The following RPTOR variants were observed in gnomAD, a reference collection of about 807,000 sequenced individuals.
RPTOR encodes regulatory associated protein of MTOR complex 1.
In RPTOR, 21 loss-of-function variants were observed where a neutral mutation model predicts 169.9. That is an observed-to-expected ratio of 0.12 (90% CI 0.09 to 0.18). The LOEUF (loss-of-function observed/expected upper bound fraction) is 0.18. Ranked by LOEUF, RPTOR falls within the 10% of genes least tolerant of loss-of-function variation. RPTOR has a pLI of 1.00. For missense variants in RPTOR, 1,133 were observed against 1,855.9 expected (o/e 0.61, Z 7.16); for synonymous variants, 732 against 753.2 (o/e 0.97, Z 0.46).
At chr17:80,634,370 CTG>C (rs751388424) in intron 2 of RPTOR, among the ~76,000 whole-genome samples, 2,725 of 65,264 alleles carry the variant, frequency 0.042, 24 homozygotes, top group Middle Eastern at 0.048. Flanking sequence ...TGTGTGCATA[CTG>C]TGTGTGTGCA....
intron 5 of RPTOR, among the ~76,000 whole-genome samples, chr17:80,750,370 C>T (rs1292542618): frequency 6.6e-6 from 1 of 152,236 alleles, no homozygotes; most frequent in Admixed American, 6.5e-5. Flanking sequence ...CACAAGTCTG[C>T]CAGCAGTCCC....
intron 6 of RPTOR, among the ~76,000 whole-genome samples, chr17:80,778,420 T>C (rs2143444649): frequency 6.6e-6 from 1 of 152,360 alleles, no homozygotes; most frequent in South Asian, 2.1e-4. Context: ...CCCATCTCAT[T>C]TGAAAGCAGC....
At chr17:80,696,058 G>T (rs2066033752) in intron 3 of RPTOR, among the ~76,000 whole-genome samples, 1 of 152,212 alleles carries the variant, frequency 6.6e-6, no homozygotes, top group Admixed American at 6.5e-5. Flanking sequence ...CCTTGTTCTT[G>T]TGAGTCCCTG....
chr17:80,806,599 G>A (rs2143557930), intron 7 of RPTOR, among the ~76,000 whole-genome samples: 1 of 152,204 alleles, frequency 6.6e-6, no homozygotes, highest in Admixed American at 6.5e-5. Flanking sequence ...TATGTTAATT[G>A]GGGACCTAGA....
chr17:80,793,398 G>A (rs1224062711), intron 7 of RPTOR, among the ~76,000 whole-genome samples: 1 of 152,086 alleles, frequency 6.6e-6, no homozygotes, highest in African/African-American at 2.4e-5. Flanking sequence ...TCCTTGCTGG[G>A]TTGGCTTATT....
At chr17:80,735,563 G>C (rs945699163) in intron 5 of RPTOR, among the ~76,000 whole-genome samples, 1 of 152,214 alleles carries the variant, frequency 6.6e-6, no homozygotes, top group Non-Finnish European at 1.5e-5. Flanking sequence ...GTTTCTTCTA[G>C]AGGATATTTC....
chr17:80,876,927 C>T (rs1479131298), intron 13 of RPTOR, among the ~76,000 whole-genome samples: 1 of 85,906 alleles, frequency 1.2e-5, no homozygotes, highest in Non-Finnish European at 2.5e-5. Flanking sequence ...GCCGGGTCTT[C>T]CCACCGAGCC....
chr17:80,743,870 C>T lies in RPTOR; in HGVS notation c.655-10140C>T, dbSNP rs368162456. On this transcript the variant is annotated intron_variant, in intron 5 of 33. Transcript: ENST00000306801. ...TTACTAGCAGAGCCCTGGCTACTAG[C>T]ACAGCCCTGGCTACTAGCACTGTCC... Among the ~76,000 whole-genome samples, 206 of 113,570 alleles carry T rather than the reference C, an allele frequency of 1.8e-3. 26 individuals are homozygous for T. The highest frequency in any genetic ancestry group is 7.1e-3 in the African/African-American group (180 of 25,488). 74.5% of individuals were successfully genotyped at this position (113,570 alleles called of 152,430 possible). A position where few individuals can be genotyped will look rare whatever the true frequency, so the allele number is the denominator to read the frequency against.
At chr17:80,923,873 C>T in intron 23 of RPTOR, 200 bp downstream of exon 23, 1 of 596,728 alleles carries the variant, frequency 1.7e-6, no homozygotes, top group Non-Finnish European at 2.9e-6. Context: ...TGCCTGCACT[C>T]CTTAGGAGCA....
At chr17:80,552,885 T>C (rs2084362565) in intron 1 of RPTOR, among the ~76,000 whole-genome samples, 1 of 152,020 alleles carries the variant, frequency 6.6e-6, no homozygotes, top group South Asian at 2.1e-4. Flanking sequence ...GGTCAGGGGG[T>C]TGAAAATAGC....
chr17:80,555,365 G>T (rs2084395519), intron 1 of RPTOR, among the ~76,000 whole-genome samples: 1 of 152,188 alleles, frequency 6.6e-6, no homozygotes, highest in African/African-American at 2.4e-5. Context: ...CCCTCCATCA[G>T]GTCCTTCTAT....
chr17:80,775,050 G>A (rs1044314977), intron 6 of RPTOR, among the ~76,000 whole-genome samples: 1 of 152,170 alleles, frequency 6.6e-6, no homozygotes, highest in Non-Finnish European at 1.5e-5. Context: ...GCATCTTCAT[G>A]GTGTAAGTCT....
intron 13 of RPTOR, among the ~76,000 whole-genome samples, chr17:80,876,063 G>A (rs1326075077): frequency 9.6e-6 from 1 of 104,128 alleles, no homozygotes; most frequent in African/African-American, 4.3e-5. Flanking sequence ...TCTTCACACC[G>A]AGCCCGTGCC....
intron 9 of RPTOR, among the ~76,000 whole-genome samples, chr17:80,837,414 T>C (rs540938913): frequency 5.3e-5 from 8 of 152,256 alleles, no homozygotes; most frequent in Middle Eastern, 6.8e-3. Flanking sequence ...AGCTCAGCCC[T>C]GACCGCCAGG....
intron 3 of RPTOR, among the ~76,000 whole-genome samples, chr17:80,704,604 A>G (rs905329608): frequency 5.3e-5 from 8 of 152,248 alleles, no homozygotes; most frequent in African/African-American, 1.7e-4. Flanking sequence ...CTTCAACCTC[A>G]GGCAGGATTC....
At chr17:80,945,455 G>A in intron 25 of RPTOR, 1 of 383,626 alleles carries the variant, frequency 2.6e-6, no homozygotes, top group Non-Finnish European at 4.7e-6. Context: ...AGCTGGGCAT[G>A]GTGGCGGGCA....
intron 21 of RPTOR, among the ~76,000 whole-genome samples, chr17:80,915,851 C>T (rs184274086): frequency 6.6e-6 from 1 of 150,992 alleles, no homozygotes; most frequent in Admixed American, 6.6e-5. Flanking sequence ...CCAGGGTCTC[C>T]TCTCTGCTGA....
intron 20 of RPTOR, among the ~76,000 whole-genome samples, chr17:80,897,690 G>C (rs1167770001): frequency 2.0e-5 from 3 of 152,172 alleles, no homozygotes; most frequent in Non-Finnish European, 4.4e-5. Context: ...GACTTTTCTT[G>C]TCCTGACCTG....
At chr17:80,770,013 G>A (rs1469012277) in intron 6 of RPTOR, among the ~76,000 whole-genome samples, 1 of 152,198 alleles carries the variant, frequency 6.6e-6, no homozygotes, top group Non-Finnish European at 1.5e-5. Context: ...CCTGAAACAG[G>A]GTAATTTATA....
Sources: allele counts gnomAD v4.1 joint callset (sites outside exome capture counted in the v4.1 genomes callset), GRCh38; gene constraint gnomAD v4.1.1; transcripts MANE v1.5; gene names NCBI Gene and HGNC (gene_info 2026-07-23, HGNC 2026-07-21).